LIMS1: variants seen among roughly 807,000 people sequenced by gnomAD.
LIMS1 encodes the protein LIM zinc finger domain containing 1, also known as LIM and senescent cell antigen-like-containing domain protein 1.
In LIMS1, 18 loss-of-function variants were observed where a neutral mutation model predicts 44.1. That is an observed-to-expected ratio of 0.41 (90% CI 0.28 to 0.61). LIMS1 has a LOEUF of 0.61. Among genes scored for constraint, LIMS1 ranks in the 20% least tolerant of loss-of-function variants. The pLI is 0.32. For synonymous variants in LIMS1, 93 were observed against 149.1 expected, an observed-to-expected ratio of 0.62 and a Z score of 2.74; for missense variants, 201 against 422.0, an observed-to-expected ratio of 0.48 and a Z score of 4.59.
chr2:108,542,779 C>T (rs1684356784), intron 1 of LIMS1, among the ~76,000 whole-genome samples: 1 of 152,198 alleles, frequency 6.6e-6, no homozygotes, highest in South Asian at 2.1e-4. Flanking sequence ...CCAGCTTAAA[C>T]TCCTCTGTCT....
chr2:108,670,618 A>G (rs1311373562), intron 2 of LIMS1, among the ~76,000 whole-genome samples, 163 bp from the exon 3 acceptor site: 4 of 152,112 alleles, frequency 2.6e-5, no homozygotes, highest in African/African-American at 4.8e-5. Context: ...AGATGTATGG[A>G]TGGTGCAAAA....
chr2:108,623,287 A>G (rs1297138844), intron 1 of LIMS1, among the ~76,000 whole-genome samples: 1 of 152,084 alleles, frequency 6.6e-6, no homozygotes, highest in Non-Finnish European at 1.5e-5. Context: ...TTCAGGATTA[A>G]ATGAGGTTTC....
At chr2:108,625,745 G>A (rs192411739) in intron 1 of LIMS1, among the ~76,000 whole-genome samples, 80 of 152,234 alleles carry the variant, frequency 5.3e-4, no homozygotes, top group Admixed American at 1.6e-3. Context: ...CCTGATTCCT[G>A]GATGGATCAG....
At chr2:108,648,682 A>G (rs1002191515) in intron 1 of LIMS1, among the ~76,000 whole-genome samples, 2 of 152,204 alleles carry the variant, frequency 1.3e-5, no homozygotes. Flanking sequence ...AACGCCACAC[A>G]TCTACAACCA....
At chr2:108,596,274 A>C (rs1686677496) in intron 1 of LIMS1, among the ~76,000 whole-genome samples, 1 of 152,224 alleles carries the variant, frequency 6.6e-6, no homozygotes, top group Non-Finnish European at 1.5e-5. Context: ...ATAAATGAGC[A>C]TGTGCTGTCT....
intron 1 of LIMS1, among the ~76,000 whole-genome samples, chr2:108,596,575 G>A (rs1408634686): frequency 3.3e-5 from 5 of 152,400 alleles, no homozygotes; most frequent in Admixed American, 6.5e-5. Context: ...TGTAATCCTA[G>A]CACTTTGGGA....
rs576273851 is a variant in LIMS1 at position 108,682,690 on chromosome 2, GAT to G, written c.900-1192_900-1191del. Among the ~76,000 whole-genome samples the G allele has an allele frequency of 1.5e-4, 23 of 152,222 alleles. No homozygotes were observed. In the South Asian group the frequency reaches 4.6e-3, roughly 30 times the overall value. On this transcript the variant is annotated intron_variant, in intron 9 of 9. Transcript: ENST00000544547. ...TTAAAATAGAAGATTTTTCATTTTA[GAT>G]ATGTGTTTAGGAATTTCCTTTGTTA...
intron 5 of LIMS1, among the ~76,000 whole-genome samples, chr2:108,675,394 A>G (rs1042255223): frequency 6.6e-6 from 1 of 152,146 alleles, no homozygotes; most frequent in Non-Finnish European, 1.5e-5. Flanking sequence ...CCCCTCAGTA[A>G]CAGCGTTAAT....
chr2:108,649,434 A>C (rs934773965), intron 1 of LIMS1, among the ~76,000 whole-genome samples: 6 of 152,238 alleles, frequency 3.9e-5, no homozygotes, highest in African/African-American at 1.2e-4. Flanking sequence ...TCAAGGATCT[A>C]GAACTAGAAA....
intron 1 of LIMS1, among the ~76,000 whole-genome samples, chr2:108,608,803 G>A (rs1435911296): frequency 6.6e-6 from 1 of 152,116 alleles, no homozygotes; most frequent in East Asian, 1.9e-4. Context: ...CACCAGTTGG[G>A]AGCCCAGTTT....
At chr2:108,541,944 T>C (rs190330914) in intron 1 of LIMS1, among the ~76,000 whole-genome samples, 117 of 152,344 alleles carry the variant, frequency 7.7e-4, no homozygotes, top group Admixed American at 3.0e-3. Flanking sequence ...TATAGTTTTT[T>C]GTATATATGT....
chr2:108,668,265 C>T (rs994642034), intron 2 of LIMS1, among the ~76,000 whole-genome samples: 3 of 152,102 alleles, frequency 2.0e-5, no homozygotes, highest in Non-Finnish European at 4.4e-5. Flanking sequence ...TTTTGAAATG[C>T]AATATATTAT....
At chr2:108,629,788 GATGTGAGGAGAGAAGGCT>G (rs984181021) in intron 1 of LIMS1, among the ~76,000 whole-genome samples, 17 of 152,372 alleles carry the variant, frequency 1.1e-4, no homozygotes, top group African/African-American at 4.1e-4. Flanking sequence ...CCATGGAGGT[GATGTGAGGAGAGAAGGCT>G]ATGTGGCCTA....
At chr2:108,679,214 C>A (rs770315062) in intron 8 of LIMS1, among the ~76,000 whole-genome samples, 5 of 151,758 alleles carry the variant, frequency 3.3e-5, no homozygotes, top group Non-Finnish European at 7.4e-5. Context: ...CTCAGTGGCT[C>A]ACGCCTGTGA....
At chr2:108,659,890 C>G in intron 2 of LIMS1, 126 bp downstream of exon 2, 1 of 1,427,136 alleles carries the variant, frequency 7.0e-7, no homozygotes, top group Non-Finnish European at 9.7e-7. Flanking sequence ...CACATGCATG[C>G]CAGGTATTTG....
intron 1 of LIMS1, among the ~76,000 whole-genome samples, chr2:108,623,089 G>A (rs747755161): frequency 4.0e-5 from 6 of 151,008 alleles, no homozygotes; most frequent in Non-Finnish European, 8.8e-5. Flanking sequence ...TGGTGATGTA[G>A]TTATCTGGTC....
intron 1 of LIMS1, among the ~76,000 whole-genome samples, chr2:108,567,842 G>T (rs1386660449): frequency 6.6e-6 from 1 of 152,168 alleles, no homozygotes; most frequent in South Asian, 2.1e-4. Context: ...AAAATGCTAG[G>T]ATTACAGGCG....
intron 1 of LIMS1, among the ~76,000 whole-genome samples, chr2:108,557,922 A>G (rs1344039382): frequency 1.3e-5 from 2 of 152,238 alleles, no homozygotes; most frequent in African/African-American, 4.8e-5. Flanking sequence ...TATTTCTACT[A>G]ATAAGTACAA....
At chr2:108,671,400 G>C (rs1692153081) in intron 3 of LIMS1, among the ~76,000 whole-genome samples, 1 of 152,294 alleles carries the variant, frequency 6.6e-6, no homozygotes, top group South Asian at 2.1e-4. Context: ...CTCCTATCGG[G>C]TGGCGTTTGG....
Sources: gnomAD v4.1 joint callset for allele counts (sites outside exome capture counted in the v4.1 genomes callset) on GRCh38, gnomAD v4.1.1 for gene constraint, MANE v1.5 for transcripts, NCBI Gene and HGNC (gene_info 2026-07-23, HGNC 2026-07-21) for gene names.